The following KLF17 variants were observed in gnomAD, a reference collection of about 807,000 sequenced individuals.
The protein encoded by KLF17 is KLF transcription factor 17.
Under a neutral mutation model 34.2 loss-of-function variants are expected in KLF17, and 31 were observed. The observed-to-expected ratio is 0.91, with a 90% confidence interval of 0.68 to 1.22. The LOEUF (loss-of-function observed/expected upper bound fraction) is 1.22. Among genes scored for constraint, KLF17 ranks in the 50% most tolerant of loss-of-function variants. The probability of loss-of-function intolerance (pLI) is 0.00; values close to 1 mark genes in which losing one functional copy is unlikely to be tolerated. For missense variants in KLF17, 478 were observed against 505.2 expected (o/e 0.95, Z 0.52); for synonymous variants, 179 against 186.7 (o/e 0.96, Z 0.34).
At chr1:44,090,106 G>A in the KLF17 span, among the ~76,000 whole-genome samples, 61 of 148,490 alleles carry the variant, frequency 4.1e-4, no homozygotes, top group African/African-American at 1.5e-3. Flanking sequence ...CACTGCCTGG[G>A]TGATAAAGTG....
chr1:44,072,179 T>G, the KLF17 span, among the ~76,000 whole-genome samples: 1 of 151,534 alleles, frequency 6.6e-6, no homozygotes, highest in East Asian at 1.9e-4. Flanking sequence ...TTTTTTTTTT[T>G]GTTTTTTGCC....
At chr1:44,052,905 T>G in the KLF17 span, among the ~76,000 whole-genome samples, 1 of 145,426 alleles carries the variant, frequency 6.9e-6, no homozygotes, top group Non-Finnish European at 1.5e-5. Flanking sequence ...TAGGCAGGAT[T>G]TTTTTTTTTT....
chr1:44,071,010 C>T, the KLF17 span, among the ~76,000 whole-genome samples: 47 of 151,940 alleles, frequency 3.1e-4, no homozygotes, highest in African/African-American at 8.5e-4. Flanking sequence ...TTAATTCAGC[C>T]CTGCGGTCAA....
At chr1:44,112,891 C>T in the KLF17 span, among the ~76,000 whole-genome samples, 3 of 152,212 alleles carry the variant, frequency 2.0e-5, no homozygotes, top group South Asian at 2.1e-4. Context: ...AATTATCTCC[C>T]ATGTGGCAGA....
At position 44,129,908 on chromosome 1, in the gene KLF17, C is replaced by T. The variant is rs373793338; in HGVS notation, c.637C>T (p.Pro213Ser). The T allele has an allele frequency of 6.6e-5, 106 of 1,614,044 alleles. No homozygotes were observed. Among genetic ancestry groups the T allele is most frequent in the African/African-American group, 1.1e-4 (8 of 74,918 alleles). ...AVLPSMAQMLPPQDAHDLGMP... is the reference protein window; with the variant it reads ...AVLPSMAQMLSPQDAHDLGMP... ...GCTCCCCTCCATGGCTCAGATGTTG[C>T]CCCCGCAAGATGCCCATGACCTTGG... The change falls in exon 2 of 4, where the codon CCC becomes TCC. Residue 213 changes from proline (P) to serine (S), a missense_variant. Coordinates refer to ENST00000372299, the MANE Select transcript of KLF17 (RefSeq NM_173484.4).
At chr1:44,123,017 T>A (rs2087966665) in intron 1 of KLF17, among the ~76,000 whole-genome samples, 1 of 152,242 alleles carries the variant, frequency 6.6e-6, no homozygotes. Flanking sequence ...TTTTTTCTTT[T>A]AGAGGCAGAA....
chr1:44,065,838 G>A, the KLF17 span, among the ~76,000 whole-genome samples: 1 of 151,942 alleles, frequency 6.6e-6, no homozygotes, highest in Non-Finnish European at 1.5e-5. Flanking sequence ...AGTATGTGCA[G>A]ATAATGCCTA....
chr1:44,102,824 C>T, the KLF17 span, among the ~76,000 whole-genome samples: 10 of 149,416 alleles, frequency 6.7e-5, no homozygotes, highest in Non-Finnish European at 1.5e-4. Flanking sequence ...GTACTTTCTA[C>T]CTATTTTTTC....
At chr1:44,118,677 C>A (rs547005841), upstream of KLF17, among the ~76,000 whole-genome samples, 3 of 144,318 alleles carry the variant, frequency 2.1e-5, no homozygotes, top group Non-Finnish European at 3.0e-5. Context: ...GGCTGGCTGT[C>A]CGTGAGGCTG....
upstream of KLF17, chr1:44,114,616 A>G (rs2087863644): frequency 6.6e-6 from 1 of 152,176 alleles, no homozygotes; most frequent in African/African-American, 2.4e-5. Flanking sequence ...GGTCAAGAAG[A>G]CTTGGGGCCC....
At chr1:44,090,128 CAAAAA>C in the KLF17 span, among the ~76,000 whole-genome samples, 2 of 89,642 alleles carry the variant, frequency 2.2e-5, no homozygotes, top group Non-Finnish European at 2.3e-5. Context: ...GACTCTGTCT[CAAAAA>C]AAAAAAAAAA....
chr1:44,119,074 C>G (rs2087914733), intron 1 of KLF17, 86 bp downstream of exon 1: 1 of 934,430 alleles, frequency 1.1e-6, no homozygotes, highest in Admixed American at 3.1e-5. Context: ...AGAGGTGAGG[C>G]GGAGGGAAGC....
At chr1:44,069,335 G>A in the KLF17 span, among the ~76,000 whole-genome samples, 1 of 152,096 alleles carries the variant, frequency 6.6e-6, no homozygotes, top group Non-Finnish European at 1.5e-5. The surrounding 1 kb of genome is among the most constrained non-coding windows in gnomAD (Gnocchi z 4.7). Context: ...ACCTGAGGCT[G>A]GGTAACTAAT....
chr1:44,090,912 CCACACACACACACATGCACACGCA>C, the KLF17 span, among the ~76,000 whole-genome samples: 486 of 150,334 alleles, frequency 3.2e-3, 5 homozygotes, highest in African/African-American at 0.011. Context: ...ACAATTCCCA[CCACACACACACACATGCACACGCA>C]CACACACACA....
At chr1:44,050,095 T>C in the KLF17 span, among the ~76,000 whole-genome samples, 8 of 152,234 alleles carry the variant, frequency 5.3e-5, no homozygotes, top group African/African-American at 1.7e-4. Flanking sequence ...TCTTCACCTT[T>C]AGTAGATAGC....
the KLF17 span, chr1:44,048,539 C>G: frequency 2.0e-5 from 3 of 152,184 alleles, no homozygotes; most frequent in African/African-American, 7.2e-5. Context: ...GAAGGTACTG[C>G]ACTCTTTTTG....
chr1:44,087,763 TATATATACACACACAC>T, the KLF17 span, among the ~76,000 whole-genome samples: 4 of 56,110 alleles, frequency 7.1e-5, no homozygotes, highest in African/African-American at 2.7e-4. Flanking sequence ...TATATATATA[TATATATACACACACAC>T]ACACACACAC....
rs745895857 is a variant in KLF17, at chr1:44,129,577, C to T, written c.306C>T (p.Pro102=). 6.2e-7 allele frequency: 1 copy of T among 1,614,064 alleles called. No homozygotes were observed. Among genetic ancestry groups the T allele is most frequent in the South Asian group, 1.1e-5 (1 of 91,070 alleles). ...CTGAGCGTGGTATGAGCTACTGCCCCCAAGCGACTCTCACTCCTTCCCGGA... is the reference window on the plus strand; with the variant it reads ...CTGAGCGTGGTATGAGCTACTGCCCTCAAGCGACTCTCACTCCTTCCCGGA... The part of the protein sequence containing the change: ...PLPERGMSYC[P]QATLTPSRMI... The change falls in exon 2 of 4, where the codon CCC becomes CCT. Residue 102 remains proline (P), a synonymous_variant. Coordinates refer to ENST00000372299, the MANE Select transcript of KLF17 (RefSeq NM_173484.4).
chr1:44,132,984 A>G (rs1190750528), intron 3 of KLF17, among the ~76,000 whole-genome samples: 1 of 152,210 alleles, frequency 6.6e-6, no homozygotes, highest in African/African-American at 2.4e-5. Flanking sequence ...TCTCTTCCGT[A>G]AGAAGATGGT....
Sources: gnomAD v4.1 joint callset for allele counts (sites outside exome capture counted in the v4.1 genomes callset) on GRCh38, gnomAD v4.1.1 for gene constraint, Gnocchi (gnomAD v3.1) non-coding constraint, MANE v1.5 for transcripts, NCBI Gene and HGNC (gene_info 2026-07-23, HGNC 2026-07-21) for gene names.